Variants in FCER1A observed in about 807,000 individuals in gnomAD.
FCER1A encodes the protein Fc epsilon receptor Ia.
FCER1A carries 24 observed loss-of-function variants against 23.6 expected under a neutral mutation model. The ratio of observed to expected loss-of-function variants is 1.02; its 90% CI spans 0.74 to 1.43. The LOEUF is 1.43. Ranked by LOEUF, FCER1A falls within the 40% of genes most tolerant of loss-of-function variation. The probability of loss-of-function intolerance (pLI) is 0.00; values close to 1 mark genes in which losing one functional copy is unlikely to be tolerated. For synonymous variants in FCER1A, 121 were observed against 108.8 expected (o/e 1.11, Z -0.70); for missense variants, 318 against 294.5 (o/e 1.08, Z -0.58).
At chr1:159,293,826 A>T (rs12081553) in intron 1 of FCER1A, among the ~76,000 whole-genome samples, 18,389 of 151,858 alleles carry the variant, frequency 0.12, 3,756 homozygotes, top group African/African-American at 0.42. Flanking sequence ...CATCTGACAA[A>T]GGGCTAATAT....
chr1:159,299,687 T>C (rs915824524), upstream of FCER1A, among the ~76,000 whole-genome samples: 2 of 152,182 alleles, frequency 1.3e-5, no homozygotes, highest in Non-Finnish European at 2.9e-5. Context: ...TGAACGTGTG[T>C]TCCTGATGTG....
chr1:159,290,227 G>A (rs1652113204), intron 1 of FCER1A, among the ~76,000 whole-genome samples: 1 of 152,124 alleles, frequency 6.6e-6, no homozygotes, highest in Admixed American at 6.6e-5. Flanking sequence ...CCCAGAGAGT[G>A]TCCCCTTTGA....
chr1:159,285,137 T>C (rs1651983800), upstream of FCER1A, among the ~76,000 whole-genome samples: 1 of 152,158 alleles, frequency 6.6e-6, no homozygotes. Context: ...TGTTACAAGA[T>C]GTTTAGCAGG....
In FCER1A at chr1:159,306,143, A is replaced by ACC; in HGVS notation, c.487_488insCC (p.Ile163ThrfsTer33). On this transcript the variant is annotated frameshift_variant, in exon 4 of 5. Transcript: ENST00000693622. LOFTEE classifies it high-confidence loss of function. ...CTGGTATGAGAACCACAACATCTCCATTACAAATGCCACAGTTGAAGACAG... is the reference window on the plus strand; with the variant it reads ...CTGGTATGAGAACCACAACATCTCCACCTTACAAATGCCACAGTTGAAGACAG... 6.2e-7 allele frequency: 1 copy of ACC among 1,614,092 alleles called. No homozygotes were observed. Among genetic ancestry groups the ACC allele is most frequent in the Admixed American group, 1.7e-5 (1 of 60,002 alleles).
chr1:159,305,917 C>G, intron 3 of FCER1A, 71 bp from the exon 4 acceptor site: 4 of 1,359,678 alleles, frequency 2.9e-6, no homozygotes, highest in Non-Finnish European at 4.1e-6. Flanking sequence ...CTATGCGTGG[C>G]TCTCTTTTCT....
chr1:159,283,822 C>T, the FCER1A span, among the ~76,000 whole-genome samples: 2 of 152,136 alleles, frequency 1.3e-5, no homozygotes, highest in Admixed American at 6.6e-5. Context: ...TTTATTTTCC[C>T]CAAGGAGAAG....
chr1:159,286,307 T>C (rs1406193278), upstream of FCER1A, among the ~76,000 whole-genome samples: 1 of 152,166 alleles, frequency 6.6e-6, no homozygotes, highest in African/African-American at 2.4e-5. Flanking sequence ...TCAACCTTTA[T>C]CATTTAATTT....
At chr1:159,286,371 T>G (rs993374365), upstream of FCER1A, among the ~76,000 whole-genome samples, 6 of 151,920 alleles carry the variant, frequency 3.9e-5, no homozygotes, top group Admixed American at 3.3e-4. Context: ...CTCTCTCTGT[T>G]GCCCAGGCTG....
intron 1 of FCER1A, among the ~76,000 whole-genome samples, chr1:159,291,596 G>A (rs994011340): frequency 6.6e-6 from 1 of 152,056 alleles, no homozygotes; most frequent in Non-Finnish European, 1.5e-5. Context: ...ATTATGCAAG[G>A]GCTTAACTTC....
chr1:159,287,637 G>T (rs12085085), upstream of FCER1A, among the ~76,000 whole-genome samples: 18,236 of 149,376 alleles, frequency 0.12, 3,746 homozygotes, highest in African/African-American at 0.42. Context: ...TGTACATGTA[G>T]ATAAACATAT....
intron 3 of FCER1A, 86 bp from the exon 4 acceptor site, chr1:159,305,902 A>T (rs1324789858): frequency 1.7e-5 from 20 of 1,200,926 alleles, no homozygotes; most frequent in Non-Finnish European, 1.2e-6. Context: ...TTTCTGACAC[A>T]TGCTCTATGC....
chr1:159,304,722 T>C (rs1286107212), intron 3 of FCER1A, among the ~76,000 whole-genome samples: 1 of 152,242 alleles, frequency 6.6e-6, no homozygotes, highest in Non-Finnish European at 1.5e-5. Flanking sequence ...ATATTATTCC[T>C]CCACCCTATT....
chr1:159,303,419 CAT>C (rs1161712646), intron 2 of FCER1A, among the ~76,000 whole-genome samples: 1 of 151,702 alleles, frequency 6.6e-6, no homozygotes, highest in Non-Finnish European at 1.5e-5. Context: ...CTGGAACTGA[CAT>C]ATGTTTTTCA....
chr1:159,296,852 T>C (rs958150549), intron 1 of FCER1A, among the ~76,000 whole-genome samples: 1 of 152,150 alleles, frequency 6.6e-6, no homozygotes, highest in Non-Finnish European at 1.5e-5. Flanking sequence ...CAGAGTATGA[T>C]GAGAAAGTTT....
upstream of FCER1A, among the ~76,000 whole-genome samples, chr1:159,285,917 G>T (rs545508862): frequency 6.6e-6 from 1 of 152,182 alleles, no homozygotes; most frequent in South Asian, 2.1e-4. Context: ...AGGCACTGTG[G>T]CTCATGCCTG....
Position 159,304,103 on chromosome 1 carries a change from A to G in FCER1A, c.252A>G (p.Lys84=), listed in dbSNP as rs1289453937. ...TNSSLNIVNA[K]FEDSGEYKCQ... ...CAAGTTTGAATATTGTGAATGCCAA[A>G]TTTGAAGACAGTGGAGAATACAAAT... Residue 84 remains lysine (K), a synonymous_variant, in exon 3 of 5, where the codon AAA becomes AAG. Transcript: ENST00000693622. The G allele has an allele frequency of 6.2e-7, 1 of 1,614,080 alleles. No homozygotes were observed. Among genetic ancestry groups the G allele is most frequent in the East Asian group, 2.2e-5 (1 of 44,876 alleles).
At chr1:159,301,040 A>G (rs952889260), upstream of FCER1A, among the ~76,000 whole-genome samples, 6 of 152,174 alleles carry the variant, frequency 3.9e-5, no homozygotes, top group African/African-American at 1.4e-4. Flanking sequence ...TTTTAGCCCT[A>G]TATTTTCTAA....
intron 1 of FCER1A, among the ~76,000 whole-genome samples, 157 bp downstream of exon 1, chr1:159,302,576 C>T (rs909139216): frequency 6.6e-6 from 1 of 152,158 alleles, no homozygotes; most frequent in Non-Finnish European, 1.5e-5. Context: ...AGCTAGAAAG[C>T]AGAGGCAAGT....
intron 1 of FCER1A, among the ~76,000 whole-genome samples, chr1:159,296,142 G>A (rs970585775): frequency 6.6e-6 from 1 of 151,960 alleles, no homozygotes; most frequent in African/African-American, 2.4e-5. Flanking sequence ...TTAACCTTTT[G>A]TGATTAACTT....
Sources: allele counts gnomAD v4.1 joint callset (sites outside exome capture counted in the v4.1 genomes callset), GRCh38; gene constraint gnomAD v4.1.1; transcripts MANE v1.5; gene names NCBI Gene and HGNC (gene_info 2026-07-23, HGNC 2026-07-21).